Variants in MERTK observed in about 807,000 individuals in gnomAD.
MERTK encodes MER proto-oncogene, tyrosine kinase.
In MERTK, 69 loss-of-function variants were observed where a neutral mutation model predicts 99.3. The ratio of observed to expected loss-of-function variants is 0.70; its 90% CI spans 0.57 to 0.85. The LOEUF (loss-of-function observed/expected upper bound fraction) is 0.85. Among genes scored for constraint, MERTK ranks in the 40% least tolerant of loss-of-function variants. The pLI, the probability that MERTK is intolerant of heterozygous loss-of-function variation, is 0.00. For missense variants in MERTK, 1,125 were observed against 1,249.4 expected, an observed-to-expected ratio of 0.90 and a Z score of 1.50; for synonymous variants, 426 against 467.6, an observed-to-expected ratio of 0.91 and a Z score of 1.15.
chr2:111,976,609 C>T (rs1437471803), intron 7 of MERTK, among the ~76,000 whole-genome samples: 2 of 150,810 alleles, frequency 1.3e-5, no homozygotes, highest in East Asian at 3.9e-4. Flanking sequence ...CACATATATA[C>T]ACATAAAATA....
intron 6 of MERTK, among the ~76,000 whole-genome samples, chr2:111,970,750 T>C (rs1573609939): frequency 8.3e-5 from 6 of 72,682 alleles, no homozygotes; most frequent in Admixed American, 1.6e-4. Flanking sequence ...TCCTCCCTCC[T>C]CCCTTCTCCT....
chr2:111,968,284 G>C, intron 6 of MERTK, 32 bp downstream of exon 6: 1 of 1,538,512 alleles, frequency 6.5e-7, no homozygotes, highest in Non-Finnish European at 9.0e-7. Flanking sequence ...GGAAGTAGCT[G>C]TTTGGTGCTC....
rs3077010 is a variant in MERTK at position 111,987,989 on chromosome 2, CT to C, written c.1296+5014del. Among the ~76,000 whole-genome samples, 879 of 133,146 alleles carry C rather than the reference CT, an allele frequency of 6.6e-3. 1 individual carries two copies. Among genetic ancestry groups the C allele is most frequent in the Middle Eastern group, 0.024 (6 of 246 alleles). 87.3% of individuals were successfully genotyped at this position (133,146 alleles called of 152,430 possible). On this transcript the variant is annotated intron_variant, in intron 8 of 18. Transcript: ENST00000295408. ...GAGACAGCATGATATATAGAACTAA[CT>C]TTTTTTTTTTTTTTTTTGAGACAGA...
Position 111,898,705 on chromosome 2 carries a change from C to G in MERTK, c.-31C>G. On this transcript the variant is annotated 5_prime_UTR_variant, in exon 1 of 19. Transcript: ENST00000295408. ...CGGGACGTCCATCTGTCCATCCGTC[C>G]GGAGAGAAATTACAGATCCGCAGCC... 2 of 1,601,426 alleles carry G rather than the reference C, an allele frequency of 1.2e-6. No individual in the cohort carries two copies. Among genetic ancestry groups the G allele is most frequent in the South Asian group, 2.2e-5 (2 of 89,150 alleles).
chr2:112,004,693 C>T (rs1676945273), intron 13 of MERTK, among the ~76,000 whole-genome samples: 1 of 152,124 alleles, frequency 6.6e-6, no homozygotes, highest in African/African-American at 2.4e-5. Flanking sequence ...GGGCAGATCA[C>T]AAGGTCAGGA....
intron 10 of MERTK, among the ~76,000 whole-genome samples, chr2:111,999,511 C>T (rs187153548): frequency 7.9e-5 from 12 of 152,230 alleles, no homozygotes; most frequent in African/African-American, 2.4e-4. Context: ...TTGTTTCCCT[C>T]GCTGGTCTTG....
At chr2:111,990,401 A>G (rs901880961) in intron 8 of MERTK, among the ~76,000 whole-genome samples, 1 of 151,220 alleles carries the variant, frequency 6.6e-6, no homozygotes, top group Non-Finnish European at 1.5e-5. Context: ...TGTGTGACTG[A>G]TAAACACTGG....
chr2:112,023,139 G>C (rs35382200), intron 18 of MERTK, among the ~76,000 whole-genome samples: 33,608 of 152,082 alleles, frequency 0.22, 4,141 homozygotes, highest in Middle Eastern at 0.39. Context: ...ATAAGGCCGA[G>C]TGCGGTGGCT....
intron 6 of MERTK, among the ~76,000 whole-genome samples, chr2:111,971,442 G>A (rs1191520811): frequency 6.6e-6 from 1 of 151,698 alleles, no homozygotes; most frequent in South Asian, 2.1e-4. Flanking sequence ...AAAAAAATAG[G>A]CATTTACACT....
At chr2:111,957,583 A>G (rs927242141) in intron 4 of MERTK, among the ~76,000 whole-genome samples, 11 of 152,018 alleles carry the variant, frequency 7.2e-5, no homozygotes, top group Admixed American at 2.6e-4. Context: ...CTTACTTATC[A>G]AGGTTATTAT....
At chr2:111,913,131 G>C (rs1684283646) in intron 1 of MERTK, 3 of 954,518 alleles carry the variant, frequency 3.1e-6, no homozygotes, top group Non-Finnish European at 3.7e-6. Context: ...ACATAGATTT[G>C]TAACATTGCT....
intron 1 of MERTK, among the ~76,000 whole-genome samples, chr2:111,925,275 G>GAGATATATATATATATATAT (rs1553446636): frequency 4.2e-4 from 22 of 52,174 alleles, no homozygotes; most frequent in African/African-American, 2.0e-3. Flanking sequence ...GTACAGATCA[G>GAGATATATATATATATATAT]ATATATATAT....
chr2:111,967,002 A>G lies in MERTK; in HGVS notation c.845-1135A>G, dbSNP rs140346147. Among the ~76,000 whole-genome samples the G allele has an allele frequency of 5.7e-4, 87 of 152,220 alleles. 1 individual carries two copies. In the East Asian group the frequency reaches 0.017, roughly 29 times the overall value. On this transcript the variant is annotated intron_variant, in intron 5 of 18. Coordinates refer to ENST00000295408, the MANE Select transcript of MERTK (RefSeq NM_006343.3). ...AGCTCCATGGAGCAGTGCTGGTACT[A>G]TCCCCATTTATAGAGGAGACAACTG...
At position 112,003,095 on chromosome 2, in the gene MERTK, A is replaced by G. The variant is rs1292286994; in HGVS notation, c.1694A>G (p.His565Arg). ...TACTATGTTACTCCTTTTTCAGTAC[A>G]TAGCTTGGGAGTCAGTGAGGAACTA... Reference protein sequence around the residue: ...FCRRAIELTLHSLGVSEELQN... With the variant: ...FCRRAIELTLRSLGVSEELQN... The change falls in exon 12 of 19, where the codon CAT (histidine) becomes CGT (arginine). Residue 565 changes from histidine to arginine, a missense_variant. Physicochemically the swap from His to Arg is conservative, Grantham distance 29. Transcript: ENST00000295408. 2.0e-6 allele frequency: 3 copies of G among 1,513,784 alleles called. No homozygotes were observed. Among genetic ancestry groups the G allele is most frequent in the Admixed American group, 1.7e-5 (1 of 59,852 alleles). The allele number at this position is 1,513,784 out of a possible 1,614,324, so 93.8% of individuals were successfully genotyped here.
intron 1 of MERTK, among the ~76,000 whole-genome samples, chr2:111,918,063 C>CT (rs923891098): frequency 2.6e-5 from 4 of 152,136 alleles, no homozygotes; most frequent in Non-Finnish European, 5.9e-5. Context: ...CCCATTCCCT[C>CT]TCCCCTTAGC....
At chr2:112,016,201 T>G (rs928949698) in intron 15 of MERTK, among the ~76,000 whole-genome samples, 3 of 152,234 alleles carry the variant, frequency 2.0e-5, no homozygotes, top group Non-Finnish European at 4.4e-5. Context: ...GCAAAAGTTC[T>G]GCTGTAATCT....
At chr2:112,003,798 G>A in intron 12 of MERTK, 106 bp from the exon 13 acceptor site, 2 of 1,025,674 alleles carry the variant, frequency 1.9e-6, no homozygotes, top group Non-Finnish European at 1.5e-6. Context: ...GCCCGTGGGT[G>A]AGTTGCTCTC....
intron 4 of MERTK, among the ~76,000 whole-genome samples, chr2:111,956,996 C>T (rs1685161245): frequency 6.9e-6 from 1 of 145,242 alleles, no homozygotes; most frequent in Non-Finnish European, 1.5e-5. Context: ...GGCGTGATCT[C>T]AGCTCACTGC....
intron 10 of MERTK, among the ~76,000 whole-genome samples, chr2:111,999,612 T>C (rs1676825774): frequency 1.3e-5 from 2 of 152,214 alleles, no homozygotes. Context: ...TAGAACAGTT[T>C]TAATTTTACA....
Sources: allele counts gnomAD v4.1 joint callset (sites outside exome capture counted in the v4.1 genomes callset), GRCh38; gene constraint gnomAD v4.1.1; transcripts MANE v1.5; gene names NCBI Gene and HGNC (gene_info 2026-07-23, HGNC 2026-07-21).